TUSC3: variants seen among roughly 807,000 people sequenced by gnomAD.
TUSC3 encodes tumor suppressor candidate 3.
In TUSC3, 45 loss-of-function variants were observed where a neutral mutation model predicts 44.8. The observed-to-expected ratio is 1.00, with a 90% confidence interval of 0.79 to 1.29. The LOEUF (loss-of-function observed/expected upper bound fraction) is 1.29. Among genes scored for constraint, TUSC3 ranks in the 50% most tolerant of loss-of-function variants. TUSC3 has a pLI of 0.00. For missense variants in TUSC3, 519 were observed against 437.9 expected, an observed-to-expected ratio of 1.19 and a Z score of -1.65; for synonymous variants, 212 against 152.9, an observed-to-expected ratio of 1.39 and a Z score of -2.85.
Position 15,617,795 on chromosome 8 carries a change from C to T in TUSC3, c.139-5285C>T, listed in dbSNP as rs189184819. ...GTTTGGTTTTTATTTTGAAACCATCCTCCCAACCCTGGCTGATCATTTAAA... is the reference window on the plus strand; with the variant it reads ...GTTTGGTTTTTATTTTGAAACCATCTTCCCAACCCTGGCTGATCATTTAAA... On this transcript the variant is annotated intron_variant, in intron 1 of 10. Transcript: ENST00000503731. Among the ~76,000 whole-genome samples, 304 of 152,242 alleles carry T rather than the reference C, an allele frequency of 2.0e-3. 1 individual carries two copies. The highest frequency in any genetic ancestry group is 3.4e-3 in the Non-Finnish European group (232 of 68,024).
At chr8:15,731,754 C>CT (rs1044851845) in intron 7 of TUSC3, among the ~76,000 whole-genome samples, 1 of 152,088 alleles carries the variant, frequency 6.6e-6, no homozygotes, top group African/African-American at 2.4e-5. Context: ...AAAATACTAT[C>CT]TTTTTAACAA....
chr8:15,548,262 G>T (rs912913814), intron 1 of TUSC3, among the ~76,000 whole-genome samples: 12 of 151,862 alleles, frequency 7.9e-5, no homozygotes, highest in African/African-American at 2.9e-4. Flanking sequence ...TTTACTGACA[G>T]TAGATTGGTT....
chr8:15,709,986 A>G (rs1209032525), intron 6 of TUSC3, among the ~76,000 whole-genome samples: 2 of 151,754 alleles, frequency 1.3e-5, no homozygotes, highest in African/African-American at 2.4e-5. Flanking sequence ...AACAAAATTC[A>G]TTATTTCTCC....
intron 6 of TUSC3, among the ~76,000 whole-genome samples, chr8:15,717,395 T>C (rs1366268532): frequency 6.6e-6 from 1 of 152,068 alleles, no homozygotes; most frequent in Non-Finnish European, 1.5e-5. Flanking sequence ...ACGAAGAGAC[T>C]GCTTTTACTG....
intron 7 of TUSC3, among the ~76,000 whole-genome samples, chr8:15,733,033 C>T (rs352751): frequency 0.87 from 132,937 of 152,178 alleles, 58,279 homozygotes; most frequent in Non-Finnish European, 0.89. Context: ...TAGACTGGAA[C>T]TGGAAATACA....
At chr8:15,486,409 C>T (rs1800733503) in intron 2 of TUSC3, among the ~76,000 whole-genome samples, 1 of 152,070 alleles carries the variant, frequency 6.6e-6, no homozygotes, top group South Asian at 2.1e-4. Context: ...TTGGTTTGAT[C>T]ATTCTATAAT....
intron 8 of TUSC3, 38 bp from the exon 9 acceptor site, chr8:15,748,337 A>G (rs1301617766): frequency 6.7e-7 from 1 of 1,490,758 alleles, no homozygotes; most frequent in Non-Finnish European, 9.4e-7. Flanking sequence ...TCATTTGCAT[A>G]TTTTTAGACA....
chr8:15,602,624 T>C (rs1188305605), intron 1 of TUSC3, among the ~76,000 whole-genome samples: 4 of 151,064 alleles, frequency 2.6e-5, no homozygotes, highest in Non-Finnish European at 5.9e-5. Flanking sequence ...GGAGTTGTAA[T>C]AGGTGCTCTC....
intron 1 of TUSC3, among the ~76,000 whole-genome samples, chr8:15,561,850 G>A (rs80209996): frequency 1.3e-5 from 2 of 152,112 alleles, no homozygotes; most frequent in African/African-American, 2.4e-5. Flanking sequence ...GCAATGCCTC[G>A]CCCTGTTTCG....
At chr8:15,781,967 T>A in the TUSC3 span, among the ~76,000 whole-genome samples, 1 of 152,104 alleles carries the variant, frequency 6.6e-6, no homozygotes. Flanking sequence ...AGCCAGTCTC[T>A]ACTAAAAAAT....
Position 15,644,445 on chromosome 8 carries a change from G to C in TUSC3, c.309-6252G>C, listed in dbSNP as rs574475440. ...TTTTAGTTAAGTGCTTGGAGTATTT[G>C]TGGATTTTAACTTGCCATTTCAGAT... On this transcript the variant is annotated intron_variant, in intron 2 of 10. Transcript: ENST00000503731. 3.9e-5 allele frequency among the ~76,000 whole-genome samples: 6 copies of C among 152,308 alleles called. No individual in the cohort carries two copies. In the South Asian group the frequency reaches 1.2e-3, roughly 32 times the overall value.
intron 1 of TUSC3, among the ~76,000 whole-genome samples, chr8:15,441,657 G>A (rs936507432): frequency 2.0e-5 from 3 of 152,020 alleles, no homozygotes; most frequent in South Asian, 2.1e-4. Context: ...TAATAAGCAC[G>A]TCTACCAACA....
chr8:15,772,205 C>G, the TUSC3 span, among the ~76,000 whole-genome samples: 1 of 151,836 alleles, frequency 6.6e-6, no homozygotes, highest in East Asian at 1.9e-4. Flanking sequence ...AAGATCAGAG[C>G]AGAGCTAAAC....
chr8:15,665,964 G>T (rs914497951), intron 5 of TUSC3, among the ~76,000 whole-genome samples: 1 of 151,234 alleles, frequency 6.6e-6, no homozygotes, highest in Non-Finnish European at 1.5e-5. Flanking sequence ...TAAACACGGA[G>T]GATGGTGGAC....
intron 2 of TUSC3, 149 bp downstream of exon 2, chr8:15,623,398 G>A (rs1009909977): frequency 1.1e-5 from 9 of 857,044 alleles, no homozygotes; most frequent in Non-Finnish European, 1.5e-5. Context: ...TGAAAAATCA[G>A]TGTATTTTAG....
rs543147277 is a variant in TUSC3 at position 15,674,022 on chromosome 8, T to C, written c.798+186T>C. 2.0e-5 allele frequency among the ~76,000 whole-genome samples: 3 copies of C among 152,132 alleles called. No homozygotes were observed. The East Asian group carries it at 5.8e-4, about 29-fold the overall frequency. On this transcript the variant is annotated intron_variant, in intron 6 of 10. Coordinates refer to ENST00000503731, the MANE Select transcript of TUSC3 (RefSeq NM_006765.4). The stretch of plus-strand genomic sequence containing the variant: ...TACACACACACACACAATATTACTT[T>C]TGTTAGGATGAGGGCTGCTTTAGTG...
chr8:15,786,904 AC>A, the TUSC3 span, among the ~76,000 whole-genome samples: 2 of 140,440 alleles, frequency 1.4e-5, no homozygotes, highest in African/African-American at 2.7e-5. Context: ...AGATCGTGCC[AC>A]TGCACTCCAG....
intron 1 of TUSC3, among the ~76,000 whole-genome samples, chr8:15,587,574 C>T (rs1803651555): frequency 6.6e-6 from 1 of 152,216 alleles, no homozygotes; most frequent in Non-Finnish European, 1.5e-5. Flanking sequence ...GTATTGGGAG[C>T]ATCCAGAATC....
At chr8:15,798,326 G>C in the TUSC3 span, among the ~76,000 whole-genome samples, 4 of 152,086 alleles carry the variant, frequency 2.6e-5, no homozygotes, top group South Asian at 2.1e-4. Flanking sequence ...GTCTGCATAG[G>C]CTAGTTCCCT....
Sources: gnomAD v4.1 joint callset for allele counts (sites outside exome capture counted in the v4.1 genomes callset) on GRCh38, gnomAD v4.1.1 for gene constraint, MANE v1.5 for transcripts, NCBI Gene and HGNC (gene_info 2026-07-23, HGNC 2026-07-21) for gene names.